The following AMOTL1 variants were observed in gnomAD, a reference collection of about 807,000 sequenced individuals.
AMOTL1 encodes the protein angiomotin-like protein 1.
Under a neutral mutation model 102.9 loss-of-function variants are expected in AMOTL1, and 45 were observed. The ratio of observed to expected loss-of-function variants is 0.44; its 90% CI spans 0.34 to 0.56. The LOEUF is 0.56. Among genes scored for constraint, AMOTL1 ranks in the 20% least tolerant of loss-of-function variants. The pLI is 0.01. For synonymous variants in AMOTL1, 481 were observed against 484.7 expected (o/e 0.99, Z 0.10); for missense variants, 1,114 against 1,225.6 (o/e 0.91, Z 1.36).
chr11:94,834,781 CT>C (rs1952140968), intron 6 of AMOTL1, among the ~76,000 whole-genome samples: 1 of 152,134 alleles, frequency 6.6e-6, no homozygotes, highest in African/African-American at 2.4e-5. Flanking sequence ...CCAAACAACT[CT>C]TGCAGTTCAA....
At chr11:94,762,180 G>T (rs933901976) in intron 3 of AMOTL1, among the ~76,000 whole-genome samples, 6 of 152,228 alleles carry the variant, frequency 3.9e-5, no homozygotes, top group Non-Finnish European at 8.8e-5. Context: ...AATCATAATA[G>T]AATGATATAT....
intron 9 of AMOTL1, among the ~76,000 whole-genome samples, chr11:94,861,574 C>T (rs1952774743): frequency 6.6e-6 from 1 of 152,172 alleles, no homozygotes; most frequent in Non-Finnish European, 1.5e-5. Flanking sequence ...CTTCTCCCTC[C>T]CTTCCTGACT....
Position 94,866,157 on chromosome 11 carries a change from A to C in AMOTL1, c.2477A>C (p.Lys826Thr). 1 of 1,613,972 alleles carries C rather than the reference A, an allele frequency of 6.2e-7. No homozygotes were observed. Among genetic ancestry groups the C allele is most frequent in the Non-Finnish European group, 8.5e-7 (1 of 1,179,882 alleles). The change falls in exon 11 of 13, where the codon AAG becomes ACG. Residue 826 changes from lysine to threonine, a missense_variant. Transcript: ENST00000433060. ...AEEKKEEKTW[K>T]GSIGLLLGKE... ...GAAAAGAAGGAAGAGAAGACCTGGA[A>C]GGGGAGCATAGGTGAGCCCCACACC...
chr11:94,718,385 A>C (rs1950126043), intron 1 of AMOTL1, among the ~76,000 whole-genome samples: 1 of 152,042 alleles, frequency 6.6e-6, no homozygotes, highest in South Asian at 2.1e-4. Flanking sequence ...TATTACATAT[A>C]ACTTTGTGTG....
intron 1 of AMOTL1, among the ~76,000 whole-genome samples, chr11:94,792,048 T>C (rs1424048029): frequency 2.0e-5 from 3 of 152,198 alleles, no homozygotes; most frequent in Non-Finnish European, 1.5e-5. Flanking sequence ...GTGAGAAAGC[T>C]AGCAGTTAAA....
At chr11:94,814,641 C>T (rs930047654) in intron 3 of AMOTL1, among the ~76,000 whole-genome samples, 1 of 152,072 alleles carries the variant, frequency 6.6e-6, no homozygotes. Flanking sequence ...TAAACACGTG[C>T]AAGTAATGGG....
chr11:94,857,904 A>G (rs1354138233), intron 8 of AMOTL1, among the ~76,000 whole-genome samples: 3 of 152,088 alleles, frequency 2.0e-5, no homozygotes, highest in Non-Finnish European at 2.9e-5. Context: ...CTGACCATCA[A>G]TCTGTTTTTC....
intron 6 of AMOTL1, among the ~76,000 whole-genome samples, chr11:94,840,127 C>A (rs540635625): frequency 8.9e-4 from 136 of 152,230 alleles, no homozygotes; most frequent in African/African-American, 2.9e-3. Context: ...AAAGCTTTCT[C>A]AAAATGTCTG....
chr11:94,768,444 G>A lies in AMOTL1; in HGVS notation c.-68G>A, dbSNP rs17608451. The A allele has an allele frequency of 0.19, 290,767 of 1,547,502 alleles. 29,976 individuals carry two copies. Among genetic ancestry groups the A allele is most frequent in the Non-Finnish European group, 0.21 (240,999 of 1,147,442 alleles). ...GTGTGAATGGGGTTGATTGTCCGGC[G>A]CCACTTCCCCGCGCTGCCCGGCAGC... On this transcript the variant is annotated 5_prime_UTR_variant, in exon 1 of 13. Coordinates refer to ENST00000433060, the MANE Select transcript of AMOTL1 (RefSeq NM_130847.3).
At chr11:94,780,916 T>G (rs1951100812) in intron 1 of AMOTL1, among the ~76,000 whole-genome samples, 1 of 152,186 alleles carries the variant, frequency 6.6e-6, no homozygotes, top group Non-Finnish European at 1.5e-5. Flanking sequence ...TCTTCCTGCT[T>G]GGTGGATATT....
At chr11:94,791,473 G>A (rs974949370) in intron 1 of AMOTL1, among the ~76,000 whole-genome samples, 3 of 152,194 alleles carry the variant, frequency 2.0e-5, no homozygotes, top group Non-Finnish European at 4.4e-5. Flanking sequence ...TCTTAGATAA[G>A]GTTCTGGTTT....
chr11:94,820,117 T>A (rs543508990), intron 3 of AMOTL1, among the ~76,000 whole-genome samples: 3 of 152,322 alleles, frequency 2.0e-5, no homozygotes, highest in Admixed American at 2.0e-4. Context: ...CTTCATTAAA[T>A]GGTGCCCCTA....
At chr11:94,851,452 A>G (rs1005693079) in intron 7 of AMOTL1, among the ~76,000 whole-genome samples, 1 of 152,184 alleles carries the variant, frequency 6.6e-6, no homozygotes, top group African/African-American at 2.4e-5. Context: ...GGTTGAATGT[A>G]GCCTCTCCAG....
At chr11:94,835,754 C>T (rs1306420403) in intron 6 of AMOTL1, among the ~76,000 whole-genome samples, 1 of 152,164 alleles carries the variant, frequency 6.6e-6, no homozygotes, top group Non-Finnish European at 1.5e-5. Context: ...TGGTTAAACT[C>T]AAGTTTGTGT....
chr11:94,822,144 G>A (rs1951878671), intron 4 of AMOTL1, among the ~76,000 whole-genome samples: 1 of 152,150 alleles, frequency 6.6e-6, no homozygotes, highest in Non-Finnish European at 1.5e-5. Flanking sequence ...GAGGGAACAC[G>A]GAGAGTAAAT....
intron 1 of AMOTL1, among the ~76,000 whole-genome samples, chr11:94,710,712 T>C (rs1950010677): frequency 1.3e-5 from 2 of 152,186 alleles, no homozygotes; most frequent in Non-Finnish European, 2.9e-5. Flanking sequence ...TATATCACAC[T>C]GAATATTTAC....
chr11:94,860,433 G>A (rs1183400062), intron 9 of AMOTL1, among the ~76,000 whole-genome samples: 1 of 152,134 alleles, frequency 6.6e-6, no homozygotes, highest in African/African-American at 2.4e-5. Flanking sequence ...GGCTTATTCT[G>A]TCTTTATAAA....
At chr11:94,720,641 TTG>T (rs1479103424) in intron 1 of AMOTL1, among the ~76,000 whole-genome samples, 67 of 152,178 alleles carry the variant, frequency 4.4e-4, no homozygotes. Flanking sequence ...CTCTTTTCTT[TTG>T]TGTGTGTCTT....
chr11:94,848,199 G>A (rs1299101446), intron 6 of AMOTL1, among the ~76,000 whole-genome samples: 4 of 152,226 alleles, frequency 2.6e-5, no homozygotes, highest in Admixed American at 2.6e-4. Context: ...GGCAGCGCTA[G>A]TGGGCTGCTA....
Sources: allele counts gnomAD v4.1 joint callset (sites outside exome capture counted in the v4.1 genomes callset), GRCh38; gene constraint gnomAD v4.1.1; transcripts MANE v1.5; gene names NCBI Gene and HGNC (gene_info 2026-07-23, HGNC 2026-07-21).